The following KCTD8 variants were observed in gnomAD, a reference collection of about 807,000 sequenced individuals.
KCTD8 encodes the protein BTB/POZ domain-containing protein KCTD8.
Under a neutral mutation model 31.5 loss-of-function variants are expected in KCTD8, and 27 were observed. That is an observed-to-expected ratio of 0.86 (90% confidence interval 0.63 to 1.18). The LOEUF (loss-of-function observed/expected upper bound fraction) is 1.18, where lower values mean the gene tolerates loss of function less well. Ranked by LOEUF, KCTD8 falls within the 50% of genes most tolerant of loss-of-function variation. KCTD8 has a pLI of 0.00. For synonymous variants in KCTD8, 290 were observed against 280.0 expected (o/e 1.04, Z -0.36); for missense variants, 658 against 647.7 (o/e 1.02, Z -0.17).
intron 1 of KCTD8, among the ~76,000 whole-genome samples, chr4:44,228,282 C>T (rs1467912044): frequency 1.3e-5 from 2 of 152,170 alleles, no homozygotes; most frequent in African/African-American, 2.4e-5. Context: ...TCTTCTCCCT[C>T]TGTCTTCTCA....
chr4:44,235,560 T>G lies in KCTD8; in HGVS notation c.962-60310A>C, dbSNP rs1271281650. Among the ~76,000 whole-genome samples the G allele has an allele frequency of 4.8e-3, 308 of 64,378 alleles. 4 individuals are homozygous for G. The highest frequency in any genetic ancestry group is 0.027 in the African/African-American group (290 of 10,900). 42.2% of individuals were successfully genotyped at this position (64,378 alleles called of 152,430 possible). A position where few individuals can be genotyped will look rare whatever the true frequency, so the allele number is the denominator to read the frequency against. ...ATATATATATATATATATATATATA[T>G]ATATATATATATATATTTAGAGAGA... On this transcript the variant is annotated intron_variant, in intron 1 of 1. Coordinates refer to ENST00000360029, the MANE Select transcript of KCTD8 (RefSeq NM_198353.3).
rs71188270 is a variant in KCTD8, at chr4:44,316,795, G to GAAAAAAAAAAAA, written c.961+130756_961+130767dup. Among the ~76,000 whole-genome samples, 35 of 40,358 alleles carry GAAAAAAAAAAAA rather than the reference G, an allele frequency of 8.7e-4. 3 individuals carry two copies. The highest frequency in any genetic ancestry group is 1.7e-3 in the Non-Finnish European group (26 of 15,356). The allele number at this position is 40,358 out of a possible 152,430, so 26.5% of individuals were successfully genotyped here. On this transcript the variant is annotated intron_variant, in intron 1 of 1. Transcript: ENST00000360029. Reference sequence around the variant, plus strand: ...GAAACCCCATCTCTACTAAAAATACGAAAAAAAAAAAAAAAAAAAAAAAAA... The same window carrying GAAAAAAAAAAAA: ...GAAACCCCATCTCTACTAAAAATACGAAAAAAAAAAAAAAAAAAAAAAAAAAAAAAAAAAAAA...
At chr4:44,251,136 A>T (rs1318525785) in intron 1 of KCTD8, among the ~76,000 whole-genome samples, 1 of 151,820 alleles carries the variant, frequency 6.6e-6, no homozygotes, top group South Asian at 2.1e-4. Context: ...AACACTTACT[A>T]GTCTTCCTAC....
At chr4:44,410,168 A>G (rs1178433666) in intron 1 of KCTD8, among the ~76,000 whole-genome samples, 1 of 152,198 alleles carries the variant, frequency 6.6e-6, no homozygotes, top group Non-Finnish European at 1.5e-5. Context: ...AAAACAGCAA[A>G]AATACTTAGA....
chr4:44,273,176 T>C (rs1484780648), intron 1 of KCTD8, among the ~76,000 whole-genome samples: 2 of 151,950 alleles, frequency 1.3e-5, no homozygotes, highest in Non-Finnish European at 2.9e-5. Flanking sequence ...CAAACATTGA[T>C]AAAAATTAAA....
chr4:44,304,914 C>T (rs1341724211), intron 1 of KCTD8, among the ~76,000 whole-genome samples: 8 of 151,566 alleles, frequency 5.3e-5, no homozygotes, highest in African/African-American at 1.7e-4. Context: ...TCACTTGAGC[C>T]CAGGAGTTGA....
intron 1 of KCTD8, among the ~76,000 whole-genome samples, chr4:44,426,883 C>T (rs1241607561): frequency 2.0e-5 from 3 of 151,428 alleles, no homozygotes; most frequent in Non-Finnish European, 4.4e-5. Flanking sequence ...AAATTATAAG[C>T]CTATTCAATT....
chr4:44,256,787 C>A (rs1037027226), intron 1 of KCTD8, among the ~76,000 whole-genome samples: 44 of 151,930 alleles, frequency 2.9e-4, no homozygotes, highest in African/African-American at 1.1e-3. Context: ...CCTCTGGAAG[C>A]TGGAAAAGGC....
intron 1 of KCTD8, among the ~76,000 whole-genome samples, chr4:44,384,961 T>C (rs1720170418): frequency 6.0e-5 from 9 of 150,498 alleles, no homozygotes. Flanking sequence ...ATTTTAAAAA[T>C]ATAATAGATG....
intron 1 of KCTD8, among the ~76,000 whole-genome samples, chr4:44,268,139 C>T (rs903331193): frequency 6.6e-6 from 1 of 152,130 alleles, no homozygotes; most frequent in African/African-American, 2.4e-5. Flanking sequence ...ATGCAAAAAT[C>T]CTCAATAAAA....
intron 1 of KCTD8, among the ~76,000 whole-genome samples, chr4:44,208,775 G>A (rs1223643649): frequency 6.6e-6 from 1 of 152,090 alleles, no homozygotes; most frequent in East Asian, 1.9e-4. Flanking sequence ...ACTAAGTAAA[G>A]CAAAGGCTGC....
chr4:44,269,217 G>A (rs1217550666), intron 1 of KCTD8, among the ~76,000 whole-genome samples: 1 of 152,092 alleles, frequency 6.6e-6, no homozygotes, highest in Non-Finnish European at 1.5e-5. Context: ...ACAGAACAGA[G>A]CCCTCAGAAA....
chr4:44,446,893 A>G (rs757916448), intron 1 of KCTD8, among the ~76,000 whole-genome samples: 3 of 152,108 alleles, frequency 2.0e-5, no homozygotes, highest in Non-Finnish European at 4.4e-5. Context: ...AACACTGGGC[A>G]ATTAGACTGG....
chr4:44,271,063 C>G (rs565081687), intron 1 of KCTD8, among the ~76,000 whole-genome samples: 1 of 152,126 alleles, frequency 6.6e-6, no homozygotes, highest in South Asian at 2.1e-4. Flanking sequence ...CCACATATCA[C>G]AAAGAGGCGT....
chr4:44,290,448 T>C (rs1560416706), intron 1 of KCTD8, among the ~76,000 whole-genome samples: 1 of 151,968 alleles, frequency 6.6e-6, no homozygotes, highest in Non-Finnish European at 1.5e-5. Context: ...AACTCCACAA[T>C]TGAGCAATTA....
intron 1 of KCTD8, among the ~76,000 whole-genome samples, chr4:44,226,645 A>G (rs1313807450): frequency 6.6e-6 from 1 of 152,158 alleles, no homozygotes; most frequent in African/African-American, 2.4e-5. Flanking sequence ...GAACTAATCT[A>G]TACTCCCACC....
chr4:44,197,506 C>A (rs543434520), intron 1 of KCTD8, among the ~76,000 whole-genome samples: 1 of 152,298 alleles, frequency 6.6e-6, no homozygotes, highest in African/African-American at 2.4e-5. Context: ...TGCTGGCCAT[C>A]ATGCTTAAGC....
At chr4:44,340,077 C>T (rs760285035) in intron 1 of KCTD8, among the ~76,000 whole-genome samples, 2 of 151,926 alleles carry the variant, frequency 1.3e-5, no homozygotes, top group Admixed American at 1.3e-4. Flanking sequence ...ACTCTCAGCA[C>T]TAAATATGTA....
At chr4:44,191,126 T>C (rs1713753015) in intron 1 of KCTD8, among the ~76,000 whole-genome samples, 1 of 152,222 alleles carries the variant, frequency 6.6e-6, no homozygotes, top group South Asian at 2.1e-4. Context: ...TTTTGTAATT[T>C]CTTATGCCTG....
Sources: allele counts gnomAD v4.1 joint callset (sites outside exome capture counted in the v4.1 genomes callset), GRCh38; gene constraint gnomAD v4.1.1; transcripts MANE v1.5; gene names NCBI Gene and HGNC (gene_info 2026-07-23, HGNC 2026-07-21).